Variants in GPR179 observed in about 807,000 individuals in gnomAD.
GPR179 encodes the protein probable G protein-coupled receptor 179.
In GPR179, 52 loss-of-function variants were observed where a neutral mutation model predicts 70.8. The ratio of observed to expected loss-of-function variants is 0.73; its 90% CI spans 0.59 to 0.93. GPR179 has a LOEUF of 0.93. GPR179 is among the 40% of genes least tolerant of loss of function. The pLI, the probability that GPR179 is intolerant of heterozygous loss-of-function variation, is 0.00. For missense variants in GPR179, 2,734 were observed against 2,966.8 expected (o/e 0.92, Z 1.82); for synonymous variants, 1,123 against 1,169.0 (o/e 0.96, Z 0.80).
rs200222899 is a variant in GPR179 at position 38,334,710 on chromosome 17, G to A, written c.1778C>T (p.Thr593Ile). ...GAGGTGAGTCCGTCCTCACCTGGCT[G>A]TGTGGAAGGCAGCGGAAAGCAGTAG... The part of the protein sequence containing the change: ...NELLLSAAFH[T>I]ARFVLVPSLH... The change falls in exon 8 of 11, where the codon ACA becomes ATA. Residue 593 changes from threonine (T) to isoleucine (I), a missense_variant. By Grantham distance (89) the Thr-to-Ile change is moderately conservative. Coordinates refer to ENST00000616987, the MANE Select transcript of GPR179 (RefSeq NM_001004334.4). This position sits in a 1 kb window ranked among gnomAD's most constrained non-coding sequence, Gnocchi z 4.7. 3.5e-5 allele frequency: 56 copies of A among 1,613,804 alleles called. No individual in the cohort carries two copies. In the African/African-American group the frequency reaches 6.8e-4, roughly 20 times the overall value.
At position 38,330,476 on chromosome 17, in the gene GPR179, C is replaced by T. The variant is rs752341496; in HGVS notation, c.3093G>A (p.Arg1031=). ...SPAPARARLW[R]ALSVAVEKSR... is the part of the protein sequence containing the mutation. Reference sequence around the variant, plus strand: ...TTTTCTCTACTGCAACAGAGAGGGCCCTCCAGAGCCTGGCTCGAGCTGGGG... The same window carrying T: ...TTTTCTCTACTGCAACAGAGAGGGCTCTCCAGAGCCTGGCTCGAGCTGGGG... Residue 1031 remains arginine (R), a synonymous_variant, in exon 11 of 11, where the codon AGG becomes AGA. Coordinates refer to ENST00000616987, the MANE Select transcript of GPR179 (RefSeq NM_001004334.4). 1.9e-6 allele frequency: 3 copies of T among 1,555,928 alleles called. No homozygotes were observed. Among genetic ancestry groups the T allele is most frequent in the African/African-American group, 2.7e-5 (2 of 73,356 alleles).
In GPR179 at chr17:38,326,437, CTG is replaced by C. The variant is rs1373312161; in HGVS notation, c.*26_*27del. 2.0e-6 allele frequency: 3 copies of C among 1,522,990 alleles called. No homozygotes were observed. Among genetic ancestry groups the C allele is most frequent in the Admixed American group, 1.9e-5 (1 of 51,864 alleles). The allele number at this position is 1,522,990 out of a possible 1,614,324, so 94.3% of individuals were successfully genotyped here. On this transcript the variant is annotated 3_prime_UTR_variant, in exon 11 of 11. Transcript: ENST00000616987. ...GGGCCTTGGCTCCTGAAAGCTAGCT[CTG>C]TGTTTGACCTCACCTAATAAGGCTG...
At position 38,325,907 on chromosome 17, in the gene GPR179, T is replaced by C. The variant is rs1019396491; in HGVS notation, c.*558A>G. The C allele has an allele frequency of 6.6e-6, 1 of 152,612 alleles. No individual in the cohort carries two copies. The highest frequency in any genetic ancestry group is 1.5e-5 in the Non-Finnish European group (1 of 68,304). The allele number at this position is 152,612 out of a possible 1,614,324, so 9.5% of individuals were successfully genotyped here. A position where few individuals can be genotyped will look rare whatever the true frequency, so the allele number is the denominator to read the frequency against. ...CTTAAAGCATTTTCAGGCCCCTATT[T>C]TGAGTCATTTTAGCTTTTCCCCCAA... is the stretch of plus-strand genomic sequence containing the variant. On this transcript the variant is annotated 3_prime_UTR_variant, in exon 11 of 11. Coordinates refer to ENST00000616987, the MANE Select transcript of GPR179 (RefSeq NM_001004334.4).
At chr17:38,333,818 G>T in intron 9 of GPR179, 115 bp downstream of exon 9, 1 of 735,232 alleles carries the variant, frequency 1.4e-6, no homozygotes. Flanking sequence ...CACTCACCCA[G>T]CACCTTCTGT....
Position 38,326,227 on chromosome 17 carries a change from C to CT in GPR179, c.*237dup, listed in dbSNP as rs1422998196. On this transcript the variant is annotated 3_prime_UTR_variant, in exon 11 of 11. Transcript: ENST00000616987. ...CGTCCTTAGAAGTAGAGTGTCCAGT[C>CT]TTTGTTTCCTCAAACAGGAAGAAAA... is the stretch of plus-strand genomic sequence containing the variant. 6.1e-6 allele frequency: 3 copies of CT among 492,970 alleles called. No homozygotes were observed. Among genetic ancestry groups the CT allele is most frequent in the Non-Finnish European group, 1.1e-5 (3 of 281,518 alleles). 30.5% of individuals were successfully genotyped at this position (492,970 alleles called of 1,614,324 possible).
rs765251215 is a variant in GPR179, at chr17:38,334,050, T to C, written c.1785-12A>G. On this transcript the variant is annotated splice_polypyrimidine_tract_variant and intron_variant, in intron 8 of 10. Coordinates refer to ENST00000616987, the MANE Select transcript of GPR179 (RefSeq NM_001004334.4). This position sits in a 1 kb window ranked among gnomAD's most constrained non-coding sequence, Gnocchi z 4.7. ...GAACCAGCACAAACCTGGGGCGGGA[T>C]AGGGGCGCAGGTCATTACTGCAGGC... The C allele has an allele frequency of 3.8e-6, 6 of 1,591,854 alleles. No homozygotes were observed. The East Asian group carries it at 1.3e-4, about 36-fold the overall frequency.
Position 38,327,581 on chromosome 17 carries a change from G to A in GPR179, c.5988C>T (p.Asp1996=), listed in dbSNP as rs371841025. ...CATCAGGAACATCCCATGGGCACAC[G>A]TCAGCGGCCCTGCCCCCAGTGCTGA... The part of the protein sequence containing the change: ...RLVSTGGRAA[D]VCPWDVPDAG... Residue 1996 remains aspartate (D), a synonymous_variant, in exon 11 of 11, where the codon GAC becomes GAT. Coordinates refer to ENST00000616987, the MANE Select transcript of GPR179 (RefSeq NM_001004334.4). The A allele has an allele frequency of 6.3e-5, 101 of 1,613,980 alleles. No individual in the cohort carries two copies. The highest frequency in any genetic ancestry group is 1.6e-4 in the Middle Eastern group (1 of 6,084).
At position 38,324,613 on chromosome 17, in the gene GPR179, C is replaced by G. The variant is rs1233936476; in HGVS notation, c.*1852G>C. ...TTATTTCCGCCCCGCCCCCCCCACC[C>G]CATGGTTTATTTCACAAGAGTGTGT... On this transcript the variant is annotated 3_prime_UTR_variant, in exon 11 of 11. Transcript: ENST00000616987. 6.6e-6 allele frequency among the ~76,000 whole-genome samples: 1 copy of G among 150,790 alleles called. No homozygotes were observed. The highest frequency in any genetic ancestry group is 1.5e-5 in the Non-Finnish European group (1 of 67,796).
At chr17:38,342,166 C>T (rs1362780704) in intron 1 of GPR179, among the ~76,000 whole-genome samples, 1 of 151,960 alleles carries the variant, frequency 6.6e-6, no homozygotes, top group Non-Finnish European at 1.5e-5. Context: ...TTACAGCTCT[C>T]AGTTGCTAGA....
Position 38,327,057 on chromosome 17 carries a change from T to C in GPR179, c.6512A>G (p.Lys2171Arg), listed in dbSNP as rs1307674295. The C allele has an allele frequency of 6.2e-7, 1 of 1,614,242 alleles. No homozygotes were observed. The highest frequency in any genetic ancestry group is 1.1e-5 in the South Asian group (1 of 91,088). ...GPGGTEEHFS[K>R]AAAKPREQEA... is the part of the protein sequence containing the mutation. ...CTGCTCTCTGGGCTTTGCTGCTGCTTTTGAGAAGTGTTCTTCCGTCCCTCC... is the reference window on the plus strand; with the variant it reads ...CTGCTCTCTGGGCTTTGCTGCTGCTCTTGAGAAGTGTTCTTCCGTCCCTCC... Residue 2171 changes from lysine to arginine, a missense_variant, in exon 11 of 11, where the codon AAA becomes AGA. Transcript: ENST00000616987.
Position 38,334,135 on chromosome 17 carries a change from T to C in GPR179, c.1785-97A>G. 1.2e-6 allele frequency: 1 copy of C among 867,138 alleles called. No individual in the cohort carries two copies. 53.7% of individuals were successfully genotyped at this position (867,138 alleles called of 1,614,324 possible). ...CGTTTCACCTCAGCCCCAACCCTGA[T>C]ACGCTTAGGACGAGGGGGCATTCTG... On this transcript the variant is annotated intron_variant, in intron 8 of 10. Coordinates refer to ENST00000616987, the MANE Select transcript of GPR179 (RefSeq NM_001004334.4). The surrounding 1 kb of genome is among the most constrained non-coding windows in gnomAD (Gnocchi z 4.7).
At position 38,327,094 on chromosome 17, in the gene GPR179, T is replaced by C. The variant is rs181844178; in HGVS notation, c.6475A>G (p.Lys2159Glu). The C allele has an allele frequency of 8.0e-4, 1,292 of 1,614,234 alleles. 4 individuals carry two copies. The highest frequency in any genetic ancestry group is 9.6e-4 in the Non-Finnish European group (1,134 of 1,180,044). ...SQGQGEMFLQ[K>E]AGPGGTEEHF... The stretch of plus-strand genomic sequence containing the variant: ...TCTTCCGTCCCTCCAGGTCCTGCCT[T>C]CTGAAGGAACATCTCTCCTTGCCCT... The change falls in exon 11 of 11, where the codon AAG (lysine) becomes GAG (glutamate). Residue 2159 changes from lysine (K) to glutamate (E), a missense_variant. Lys to Glu is a moderately conservative substitution (Grantham distance 56). Transcript: ENST00000616987.
chr17:38,337,745 G>C (rs778905188), intron 2 of GPR179, 25 bp from the exon 3 acceptor site: 1 of 1,590,768 alleles, frequency 6.3e-7, no homozygotes, highest in Non-Finnish European at 8.6e-7. Flanking sequence ...AACACAGTAT[G>C]TGTTTATGTG....
At position 38,334,818 on chromosome 17, in the gene GPR179, C is replaced by T. The variant is rs1370321140; in HGVS notation, c.1670G>A (p.Gly557Asp). 1 of 1,612,724 alleles carries T rather than the reference C, an allele frequency of 6.2e-7. No individual in the cohort carries two copies. The highest frequency in any genetic ancestry group is 1.7e-5 in the Admixed American group (1 of 60,000). The change falls in exon 8 of 11, where the codon GGC (glycine) becomes GAC (aspartate). Residue 557 changes from glycine to aspartate, a missense_variant. Physicochemically the swap from Gly to Asp is moderately conservative, Grantham distance 94 (BLOSUM62 -1). Coordinates refer to ENST00000616987, the MANE Select transcript of GPR179 (RefSeq NM_001004334.4). The surrounding 1 kb of genome is among the most constrained non-coding windows in gnomAD (Gnocchi z 4.7). ...VVAELLLLCW[G>D]SFLCYATRAV... is the part of the protein sequence containing the mutation. Reference sequence around the variant, plus strand: ...CCGTGTGGCGTAGCAGAGGAAGCTGCCCCAGCACAGCAGCAGCAGCTCAGC... The same window carrying T: ...CCGTGTGGCGTAGCAGAGGAAGCTGTCCCAGCACAGCAGCAGCAGCTCAGC...
chr17:38,341,962 C>T (rs1050560458), intron 1 of GPR179, among the ~76,000 whole-genome samples: 1 of 152,000 alleles, frequency 6.6e-6, no homozygotes, highest in Non-Finnish European at 1.5e-5. Flanking sequence ...TACTAAAATA[C>T]AAAAAGTAGC....
chr17:38,339,443 G>T lies in GPR179; in HGVS notation c.877C>A (p.His293Asn). The T allele has an allele frequency of 6.2e-7, 1 of 1,612,818 alleles. No individual in the cohort carries two copies. The highest frequency in any genetic ancestry group is 8.5e-7 in the Non-Finnish European group (1 of 1,178,836). The change falls in exon 2 of 11, where the codon CAC (histidine) becomes AAC (asparagine). Residue 293 changes from histidine to asparagine, a missense_variant. By Grantham distance (68) the His-to-Asn change is moderately conservative (BLOSUM62 1). Coordinates refer to ENST00000616987, the MANE Select transcript of GPR179 (RefSeq NM_001004334.4). ...TGGGTGCTGTTGAGATCACACAGGT[G>T]TGTGTTAGAGTACCAGCCTGGGCCA... ...ASGPGWYSNT[H>N]LCDLNSTQCV...
Position 38,337,740 on chromosome 17 carries a change from A to G in GPR179, c.904-20T>C. On this transcript the variant is annotated intron_variant, in intron 2 of 10. Transcript: ENST00000616987. Reference sequence around the variant, plus strand: ...GACACACTATGGGGACAACAAACACAGTATGTGTTTATGTGGGGCTTTCTC... The same window carrying G: ...GACACACTATGGGGACAACAAACACGGTATGTGTTTATGTGGGGCTTTCTC... 1 of 1,602,166 alleles carries G rather than the reference A, an allele frequency of 6.2e-7. No homozygotes were observed.
rs760883207 is a variant in GPR179, at chr17:38,334,673, A to AG, written c.1784+30dup. On this transcript the variant is annotated intron_variant, in intron 8 of 10. Transcript: ENST00000616987. This position sits in a 1 kb window ranked among gnomAD's most constrained non-coding sequence, Gnocchi z 4.7. The stretch of plus-strand genomic sequence containing the variant: ...AGGTGAGGAGTACTGTTAGAGTGGA[A>AG]GGGGGTGTGGGGAGGTGAGTCCGTC... 1.3e-6 allele frequency: 2 copies of AG among 1,599,080 alleles called. No homozygotes were observed.
intron 2 of GPR179, among the ~76,000 whole-genome samples, chr17:38,337,955 G>A (rs1252638522): frequency 6.6e-6 from 1 of 152,250 alleles, no homozygotes; most frequent in Non-Finnish European, 1.5e-5. Flanking sequence ...AGAGTACAGG[G>A]AGAAATCACC....
Sources: gnomAD v4.1 joint callset for allele counts (sites outside exome capture counted in the v4.1 genomes callset) on GRCh38, gnomAD v4.1.1 for gene constraint, Gnocchi (gnomAD v3.1) non-coding constraint, MANE v1.5 for transcripts, NCBI Gene and HGNC (gene_info 2026-07-23, HGNC 2026-07-21) for gene names.